Variants in MYO5B observed in about 807,000 individuals in gnomAD.
MYO5B encodes the protein myosin VB.
In MYO5B, 143 loss-of-function variants were observed where a neutral mutation model predicts 229.3. The ratio of observed to expected loss-of-function variants is 0.62; its 90% CI spans 0.54 to 0.72. The LOEUF (loss-of-function observed/expected upper bound fraction) is 0.72, where lower values mean the gene tolerates loss of function less well. Among genes scored for constraint, MYO5B ranks in the 30% least tolerant of loss-of-function variants. The pLI is 0.00. For synonymous variants in MYO5B, 918 were observed against 885.2 expected (o/e 1.04, Z -0.66); for missense variants, 2,321 against 2,331.0 (o/e 1.00, Z 0.09).
At chr18:50,162,647 A>G (rs962245752) in intron 1 of MYO5B, among the ~76,000 whole-genome samples, 2 of 152,196 alleles carry the variant, frequency 1.3e-5, no homozygotes, top group Non-Finnish European at 2.9e-5. Flanking sequence ...ACCACATCAC[A>G]TTATCCACTA....
Position 49,974,608 on chromosome 18 carries a change from T to A in MYO5B, c.1064A>T (p.Asp355Val). 1 of 1,613,250 alleles carries A rather than the reference T, an allele frequency of 6.2e-7. No individual in the cohort carries two copies. Among genetic ancestry groups the A allele is most frequent in the Non-Finnish European group, 8.5e-7 (1 of 1,179,536 alleles). Residue 355 changes from aspartate (D) to valine (V), a missense_variant, in exon 10 of 40, where the codon GAT becomes GTT. Asp to Val is a radical substitution (Grantham distance 152). Around this residue, in one of 2 missense-constraint regions of MYO5B, gnomAD observed 2,113 missense variants for 2,044.7 expected, o/e 1.03. Transcript: ENST00000285039. ...TCGGCAGAAGTTGCTTAGGTATACATCCTGGGGCTGTGGGAGATGGGGGAG... is the reference window on the plus strand; with the variant it reads ...TCGGCAGAAGTTGCTTAGGTATACAACCTGGGGCTGTGGGAGATGGGGGAG... ...DGDSCSISPQ[D>V]VYLSNFCRLL...
rs374249726 is a variant in MYO5B, at chr18:50,008,882, T to A, written c.456-7471A>T. On this transcript the variant is annotated intron_variant, in intron 4 of 39. Coordinates refer to ENST00000285039, the MANE Select transcript of MYO5B (RefSeq NM_001080467.3). ...GTGTCTACATGCTCTAATCATATAG[T>A]CAACACCATCACCAAAACACAGATC... Among the ~76,000 whole-genome samples, 3 of 152,238 alleles carry A rather than the reference T, an allele frequency of 2.0e-5. No homozygotes were observed. The East Asian group carries it at 5.8e-4, about 29-fold the overall frequency.
At chr18:50,099,659 G>C (rs1020493456) in intron 1 of MYO5B, among the ~76,000 whole-genome samples, 1 of 152,180 alleles carries the variant, frequency 6.6e-6, no homozygotes, top group South Asian at 2.1e-4. Flanking sequence ...GAAACATATG[G>C]CAAGGACTGG....
At chr18:50,128,737 C>G (rs1218083126) in intron 1 of MYO5B, among the ~76,000 whole-genome samples, 1 of 152,196 alleles carries the variant, frequency 6.6e-6, no homozygotes, top group East Asian at 1.9e-4. Flanking sequence ...CATCCCCAGT[C>G]TGTCACTCAA....
At chr18:50,184,303 G>T (rs77297392) in intron 1 of MYO5B, among the ~76,000 whole-genome samples, 10 of 152,030 alleles carry the variant, frequency 6.6e-5, no homozygotes, top group Admixed American at 5.9e-4. Flanking sequence ...ACCACCTGCC[G>T]TTCTTTCTGC....
intron 22 of MYO5B, among the ~76,000 whole-genome samples, chr18:49,891,207 A>G (rs540185557): frequency 1.3e-5 from 2 of 152,254 alleles, no homozygotes; most frequent in African/African-American, 4.8e-5. Context: ...CACGTGTGCC[A>G]CACCTGTCAC....
At chr18:50,158,240 C>A (rs1281433247) in intron 1 of MYO5B, among the ~76,000 whole-genome samples, 1 of 152,160 alleles carries the variant, frequency 6.6e-6, no homozygotes, top group African/African-American at 2.4e-5. Flanking sequence ...TCTGGCTTCA[C>A]AGATACTCAA....
intron 9 of MYO5B, among the ~76,000 whole-genome samples, 183 bp from the exon 10 acceptor site, chr18:49,974,798 G>GACACAGACACACACAC: frequency 7.6e-6 from 1 of 131,096 alleles, no homozygotes; most frequent in East Asian, 2.3e-4. Context: ...CACACACACA[G>GACACAGACACACACAC]ACACACACAC....
intron 1 of MYO5B, among the ~76,000 whole-genome samples, chr18:50,121,688 T>G (rs1006070876): frequency 6.6e-6 from 1 of 152,144 alleles, no homozygotes; most frequent in African/African-American, 2.4e-5. Flanking sequence ...AGCACCCACT[T>G]AAATGGTCAC....
intron 1 of MYO5B, among the ~76,000 whole-genome samples, chr18:50,141,504 C>A (rs78708645): frequency 6.6e-6 from 1 of 152,308 alleles, no homozygotes; most frequent in Middle Eastern, 3.4e-3. Context: ...CTACCACCAG[C>A]TCCCCTTGAA....
chr18:50,010,930 C>T (rs2026154442), intron 4 of MYO5B, among the ~76,000 whole-genome samples: 1 of 152,214 alleles, frequency 6.6e-6, no homozygotes. Flanking sequence ...GTCCCTCATT[C>T]CAAAACCCAT....
At chr18:50,130,470 T>G (rs1452783785) in intron 1 of MYO5B, among the ~76,000 whole-genome samples, 1 of 152,178 alleles carries the variant, frequency 6.6e-6, no homozygotes, top group Non-Finnish European at 1.5e-5. Context: ...CCCTGAGATG[T>G]ACACACATGC....
At chr18:49,858,171 C>G (rs1217604) in intron 29 of MYO5B, among the ~76,000 whole-genome samples, 81,379 of 152,108 alleles carry the variant, frequency 0.54, 21,899 homozygotes, top group Middle Eastern at 0.64. Context: ...AGTGGGGGTC[C>G]GATGTGCCTC....
chr18:50,176,426 G>C (rs1191457276), intron 1 of MYO5B, among the ~76,000 whole-genome samples: 1 of 152,076 alleles, frequency 6.6e-6, no homozygotes, highest in South Asian at 2.1e-4. Flanking sequence ...GGGGATTTTT[G>C]TTCACTTATG....
chr18:50,124,483 G>C (rs1463630222), intron 1 of MYO5B, among the ~76,000 whole-genome samples: 1 of 151,930 alleles, frequency 6.6e-6, no homozygotes, highest in African/African-American at 2.4e-5. Context: ...ATGGATTAGG[G>C]AAAGTGTGAT....
At chr18:50,024,283 CTT>C (rs781349519) in intron 4 of MYO5B, among the ~76,000 whole-genome samples, 2 of 152,122 alleles carry the variant, frequency 1.3e-5, no homozygotes, top group Non-Finnish European at 2.9e-5. Flanking sequence ...AGTTCAAACA[CTT>C]ATATTAACAT....
chr18:50,085,331 CCAT>C (rs2031307771), intron 1 of MYO5B, among the ~76,000 whole-genome samples: 1 of 152,054 alleles, frequency 6.6e-6, no homozygotes, highest in Non-Finnish European at 1.5e-5. Context: ...TCATCACTGG[CCAT>C]CAGAGAAATG....
chr18:50,093,059 A>AGTCT (rs2031480418), intron 1 of MYO5B, among the ~76,000 whole-genome samples: 1 of 152,176 alleles, frequency 6.6e-6, no homozygotes, highest in Non-Finnish European at 1.5e-5. Flanking sequence ...AACTATGAAC[A>AGTCT]ATTTGTAAAT....
intron 1 of MYO5B, among the ~76,000 whole-genome samples, chr18:50,161,868 G>A (rs2032771921): frequency 6.6e-6 from 1 of 152,236 alleles, no homozygotes; most frequent in Non-Finnish European, 1.5e-5. Context: ...AGCTGCTAGG[G>A]GAAAAACAGC....
Sources: gnomAD v4.1 joint callset for allele counts (sites outside exome capture counted in the v4.1 genomes callset) on GRCh38, gnomAD v4.1.1 for gene constraint, gnomAD v4.1.1 regional missense constraint, MANE v1.5 for transcripts, NCBI Gene and HGNC (gene_info 2026-07-23, HGNC 2026-07-21) for gene names.